CADPS2: variants seen among roughly 807,000 people sequenced by gnomAD.
CADPS2 encodes calcium dependent secretion activator 2.
Under a neutral mutation model 172.5 loss-of-function variants are expected in CADPS2, and 93 were observed. The ratio of observed to expected loss-of-function variants is 0.54; its 90% confidence interval spans 0.46 to 0.64. The LOEUF (loss-of-function observed/expected upper bound fraction) is 0.64. Ranked by LOEUF, CADPS2 falls within the 30% of genes least tolerant of loss-of-function variation. The pLI is 0.00. For missense variants in CADPS2, 1,420 were observed against 1,565.9 expected, an observed-to-expected ratio of 0.91 and a Z score of 1.57; for synonymous variants, 546 against 555.2, an observed-to-expected ratio of 0.98 and a Z score of 0.23.
At position 122,457,542 on chromosome 7, in the gene CADPS2, G is replaced by C. The variant is rs1457253427; in HGVS notation, c.2187-6067C>G. On this transcript the variant is annotated intron_variant, in intron 14 of 29. Transcript: ENST00000449022. ...ACAATGCAAATTACGCAACCCTTTT[G>C]GAGGTTCACAGAACAATCACAGCAT... 5.9e-5 allele frequency among the ~76,000 whole-genome samples: 9 copies of C among 152,106 alleles called. 1 individual carries two copies. The highest frequency in any genetic ancestry group is 1.3e-4 in the Non-Finnish European group (9 of 68,016).
At position 122,831,601 on chromosome 7, in the gene CADPS2, T is replaced by C. The variant is rs535718863; in HGVS notation, c.339+54398A>G. Among the ~76,000 whole-genome samples, 418 of 152,282 alleles carry C rather than the reference T, an allele frequency of 2.7e-3. 4 individuals carry two copies. Among genetic ancestry groups the C allele is most frequent in the African/African-American group, 8.3e-3 (343 of 41,572 alleles). On this transcript the variant is annotated intron_variant, in intron 1 of 29. Coordinates refer to ENST00000449022, the MANE Select transcript of CADPS2 (RefSeq NM_017954.11). ...ATTAAGTCCCTGGAATTCCTGCCAA[T>C]AGAATTTCAACCGCCTGAACCTCAC...
chr7:122,459,519 ACC>A (rs1340951644), intron 14 of CADPS2, among the ~76,000 whole-genome samples: 33 of 152,250 alleles, frequency 2.2e-4, no homozygotes, highest in African/African-American at 7.7e-4. Context: ...CTGCAACCTC[ACC>A]AACTGTAGTC....
At position 122,371,693 on chromosome 7, in the gene CADPS2, A is replaced by G. The variant is rs569276795; in HGVS notation, c.3387+7675T>C. On this transcript the variant is annotated intron_variant, in intron 25 of 29. Coordinates refer to ENST00000449022, the MANE Select transcript of CADPS2 (RefSeq NM_017954.11). Reference sequence around the variant, plus strand: ...AGGAAATGATGAGGGCCTGAAGACTATAGTACTGCCAGTGAGAATGGAATG... The same window carrying G: ...AGGAAATGATGAGGGCCTGAAGACTGTAGTACTGCCAGTGAGAATGGAATG... Among the ~76,000 whole-genome samples, 3 of 151,316 alleles carry G rather than the reference A, an allele frequency of 2.0e-5. No homozygotes were observed. In the South Asian group the frequency reaches 6.3e-4, roughly 32 times the overall value.
At chr7:122,465,834 C>T (rs1446670313) in intron 14 of CADPS2, among the ~76,000 whole-genome samples, 6 of 152,122 alleles carry the variant, frequency 3.9e-5, no homozygotes, top group Non-Finnish European at 5.9e-5. Context: ...CCTAGATACC[C>T]AATCCTGATA....
intron 24 of CADPS2, among the ~76,000 whole-genome samples, chr7:122,382,898 A>C (rs138143545): frequency 0.017 from 2,636 of 152,248 alleles, 82 homozygotes; most frequent in African/African-American, 0.06. Flanking sequence ...AGCAGTTTGA[A>C]GATTTCTCAA....
intron 2 of CADPS2, among the ~76,000 whole-genome samples, chr7:122,667,376 C>T (rs1286183548): frequency 6.6e-6 from 1 of 152,122 alleles, no homozygotes; most frequent in Admixed American, 6.5e-5. Flanking sequence ...AGCTAGATTC[C>T]ACCAAGTAAC....
rs1002300511 is a variant in CADPS2 at position 122,569,232 on chromosome 7, C to A, written c.1335+11947G>T. Among the ~76,000 whole-genome samples the A allele has an allele frequency of 5.3e-5, 8 of 152,080 alleles. No individual in the cohort carries two copies. The South Asian group carries it at 1.7e-3, about 32-fold the overall frequency. On this transcript the variant is annotated intron_variant, in intron 7 of 29. Transcript: ENST00000449022. ...AAAAATAACAAGCATTCTTATACAC[C>A]AATAACAGACAAACAGAGAGCCAAA...
At position 122,443,154 on chromosome 7, in the gene CADPS2, C is replaced by A. The variant is rs570742894; in HGVS notation, c.2289-1579G>T. 2.2e-4 allele frequency among the ~76,000 whole-genome samples: 33 copies of A among 152,210 alleles called. No homozygotes were observed. In the South Asian group the frequency reaches 2.7e-3, roughly 12 times the overall value. On this transcript the variant is annotated intron_variant, in intron 15 of 29. Coordinates refer to ENST00000449022, the MANE Select transcript of CADPS2 (RefSeq NM_017954.11). Reference sequence around the variant, plus strand: ...ATTTTATGAATGGAATGTTACTGATCCCCAGATTACATTTAGCATTTCAGG... The same window carrying A: ...ATTTTATGAATGGAATGTTACTGATACCCAGATTACATTTAGCATTTCAGG...
At position 122,433,307 on chromosome 7, in the gene CADPS2, C is replaced by G. The variant is rs115352515; in HGVS notation, c.2476+5034G>C. On this transcript the variant is annotated intron_variant, in intron 17 of 29. Transcript: ENST00000449022. ...GGAATATAACAACATTTCTAAAAAA[C>G]CCCTATCTTCTGTTACTTCAGAACA... Among the ~76,000 whole-genome samples, 313 of 151,932 alleles carry G rather than the reference C, an allele frequency of 2.1e-3. 1 individual carries two copies. The highest frequency in any genetic ancestry group is 7.2e-3 in the African/African-American group (296 of 41,362).
chr7:122,791,634 CACTA>C (rs146875244), intron 1 of CADPS2, among the ~76,000 whole-genome samples: 7,159 of 152,152 alleles, frequency 0.047, 251 homozygotes, highest in Admixed American at 0.11. Flanking sequence ...TATTTAATAA[CACTA>C]ACCATGGCAA....
chr7:122,859,030 A>C (rs900431598), intron 1 of CADPS2, among the ~76,000 whole-genome samples: 1 of 152,196 alleles, frequency 6.6e-6, no homozygotes, highest in Non-Finnish European at 1.5e-5. Context: ...AACTTCTGTC[A>C]GAAAGTTTCT....
intron 8 of CADPS2, among the ~76,000 whole-genome samples, chr7:122,516,932 T>C (rs994289733): frequency 1.3e-5 from 2 of 152,116 alleles, no homozygotes; most frequent in Non-Finnish European, 2.9e-5. Context: ...TAAAGTAAAA[T>C]TACCTGTTTC....
intron 27 of CADPS2, among the ~76,000 whole-genome samples, chr7:122,346,916 T>C (rs2037749199): frequency 6.6e-6 from 1 of 152,196 alleles, no homozygotes; most frequent in Non-Finnish European, 1.5e-5. Context: ...TCCTAATCTG[T>C]ATTGAGTTGT....
intron 10 of CADPS2, among the ~76,000 whole-genome samples, chr7:122,490,850 TATTC>T (rs1444378627): frequency 2.0e-5 from 3 of 152,186 alleles, no homozygotes; most frequent in Non-Finnish European, 2.9e-5. Flanking sequence ...ATGTCATTAA[TATTC>T]ATTCATTCAA....
In CADPS2 at chr7:122,334,318, T is replaced by C. The variant is rs578256022; in HGVS notation, c.3613-8737A>G. The stretch of plus-strand genomic sequence containing the variant: ...AGGGAGCTGCCTCTCTAGCATATGC[T>C]CAGGTCTATTGGTACCCACTCTGAG... On this transcript the variant is annotated intron_variant, in intron 28 of 29. Transcript: ENST00000449022. Among the ~76,000 whole-genome samples, 19 of 152,308 alleles carry C rather than the reference T, an allele frequency of 1.2e-4. No individual in the cohort carries two copies. The East Asian group carries it at 3.7e-3, about 29-fold the overall frequency.
At chr7:122,485,518 C>G (rs1443728923) in intron 11 of CADPS2, among the ~76,000 whole-genome samples, 1 of 152,296 alleles carries the variant, frequency 6.6e-6, no homozygotes, top group Non-Finnish European at 1.5e-5. Flanking sequence ...TCTATGACAG[C>G]TGAGAGAGGT....
At chr7:122,795,079 C>T (rs183214200) in intron 1 of CADPS2, among the ~76,000 whole-genome samples, 1 of 151,578 alleles carries the variant, frequency 6.6e-6, no homozygotes, top group African/African-American at 2.4e-5. Context: ...CAAGAGCAAA[C>T]AAATCCCAAA....
At chr7:122,474,038 C>T (rs144559314) in intron 13 of CADPS2, among the ~76,000 whole-genome samples, 1 of 150,516 alleles carries the variant, frequency 6.6e-6, no homozygotes, top group African/African-American at 2.4e-5. Context: ...AATGTCTGTA[C>T]GTCCTATAAC....
chr7:122,322,899 C>A (rs7777351), intron 29 of CADPS2, among the ~76,000 whole-genome samples: 55,022 of 151,946 alleles, frequency 0.36, 10,178 homozygotes, highest in East Asian at 0.47. Flanking sequence ...AGACTACTAA[C>A]AGCAAGTAGT....
Sources: gnomAD v4.1 joint callset for allele counts (sites outside exome capture counted in the v4.1 genomes callset) on GRCh38, gnomAD v4.1.1 for gene constraint, MANE v1.5 for transcripts, NCBI Gene and HGNC (gene_info 2026-07-23, HGNC 2026-07-21) for gene names.